The following DYNC1I1 variants were observed in gnomAD, a reference collection of about 807,000 sequenced individuals.
DYNC1I1 encodes the protein cytoplasmic dynein 1 intermediate chain 1.
In DYNC1I1, 43 loss-of-function variants were observed where a neutral mutation model predicts 86.6. The observed-to-expected ratio is 0.50, with a 90% CI of 0.39 to 0.64. The LOEUF is 0.64. Among genes scored for constraint, DYNC1I1 ranks in the 30% least tolerant of loss-of-function variants. The pLI, the probability that DYNC1I1 is intolerant of heterozygous loss-of-function variation, is 0.00. For missense variants in DYNC1I1, 604 were observed against 788.8 expected, an observed-to-expected ratio of 0.77 and a Z score of 2.81; for synonymous variants, 262 against 283.7, an observed-to-expected ratio of 0.92 and a Z score of 0.77.
chr7:96,056,329 C>A (rs889499046), intron 14 of DYNC1I1, among the ~76,000 whole-genome samples: 2 of 152,112 alleles, frequency 1.3e-5, no homozygotes, highest in Non-Finnish European at 2.9e-5. Flanking sequence ...TCTTTCTTTT[C>A]TTTACAGTAT....
intron 6 of DYNC1I1, among the ~76,000 whole-genome samples, chr7:95,930,338 A>T (rs938276052): frequency 6.6e-6 from 1 of 152,234 alleles, no homozygotes. Flanking sequence ...TGGTGTCTTA[A>T]TTTCCAGCAT....
intron 6 of DYNC1I1, among the ~76,000 whole-genome samples, chr7:95,910,264 C>T (rs937933373): frequency 1.3e-5 from 2 of 152,156 alleles, no homozygotes; most frequent in Non-Finnish European, 2.9e-5. Context: ...AGAGCTAAAA[C>T]CCTAACTCTA....
At chr7:95,995,541 G>A (rs1372250023) in intron 9 of DYNC1I1, among the ~76,000 whole-genome samples, 2 of 152,196 alleles carry the variant, frequency 1.3e-5, no homozygotes, top group Admixed American at 1.3e-4. Context: ...AGCCACTGGA[G>A]TAGATGAACT....
chr7:96,025,812 T>C (rs1794664689), intron 10 of DYNC1I1, among the ~76,000 whole-genome samples: 1 of 149,098 alleles, frequency 6.7e-6, no homozygotes, highest in Non-Finnish European at 1.5e-5. Flanking sequence ...TTTCCTCTGG[T>C]TTAGTCTCAA....
intron 6 of DYNC1I1, among the ~76,000 whole-genome samples, chr7:95,883,558 A>G (rs1192672679): frequency 1.3e-5 from 2 of 152,156 alleles, no homozygotes; most frequent in Admixed American, 6.5e-5. Context: ...ATTCTAAAAA[A>G]CCTTTTATAC....
At chr7:96,022,847 G>A (rs1408231458) in intron 10 of DYNC1I1, among the ~76,000 whole-genome samples, 2 of 151,718 alleles carry the variant, frequency 1.3e-5, no homozygotes, top group Non-Finnish European at 2.9e-5. Context: ...TCCAGCCTGG[G>A]TGACAGAGCA....
At chr7:95,967,653 T>C (rs1054635730) in intron 6 of DYNC1I1, among the ~76,000 whole-genome samples, 1 of 152,218 alleles carries the variant, frequency 6.6e-6, no homozygotes, top group Non-Finnish European at 1.5e-5. Context: ...CAACTGTTTA[T>C]CTTGTTTATT....
intron 14 of DYNC1I1, among the ~76,000 whole-genome samples, chr7:96,060,000 TATTAGATA>T (rs1321947408): frequency 6.6e-6 from 1 of 152,188 alleles, no homozygotes; most frequent in Non-Finnish European, 1.5e-5. Context: ...AGCTATAGCT[TATTAGATA>T]ATTTTACAGC....
At position 95,915,645 on chromosome 7, in the gene DYNC1I1, A is replaced by G. The variant is rs148683880; in HGVS notation, c.490+45647A>G. On this transcript the variant is annotated intron_variant, in intron 6 of 16. Coordinates refer to ENST00000447467, the MANE Select transcript of DYNC1I1 (RefSeq NM_001135556.2). ...TGTGTTTTTTTCAGTGCTACTGTCTACAGGACTCTGGCAAATTGCTGTCAA... is the reference window on the plus strand; with the variant it reads ...TGTGTTTTTTTCAGTGCTACTGTCTGCAGGACTCTGGCAAATTGCTGTCAA... Among the ~76,000 whole-genome samples the G allele has an allele frequency of 3.1e-3, 468 of 152,286 alleles. 3 individuals carry two copies. The highest frequency in any genetic ancestry group is 0.011 in the African/African-American group (446 of 41,552).
intron 6 of DYNC1I1, among the ~76,000 whole-genome samples, chr7:95,909,463 G>T (rs1027232369): frequency 6.6e-6 from 1 of 151,990 alleles, no homozygotes; most frequent in Non-Finnish European, 1.5e-5. Context: ...CACTACAGCC[G>T]GGGTTTCAGG....
chr7:96,039,715 C>T (rs992544417), intron 14 of DYNC1I1, among the ~76,000 whole-genome samples: 2 of 152,124 alleles, frequency 1.3e-5, no homozygotes, highest in Admixed American at 6.5e-5. Context: ...CCACAACACC[C>T]CCTTCACTGC....
chr7:95,841,076 A>T (rs1235333971), intron 5 of DYNC1I1, among the ~76,000 whole-genome samples: 1 of 151,892 alleles, frequency 6.6e-6, no homozygotes, highest in Admixed American at 6.6e-5. Flanking sequence ...TCATTGCTTT[A>T]CTCTTTGTCA....
chr7:95,996,380 A>G (rs537291207), intron 10 of DYNC1I1, among the ~76,000 whole-genome samples: 2 of 152,328 alleles, frequency 1.3e-5, no homozygotes, highest in African/African-American at 4.8e-5. Context: ...CTCTGCTTAA[A>G]AGCAACATAT....
At position 96,080,437 on chromosome 7, in the gene DYNC1I1, A is replaced by T; in HGVS notation, c.1725A>T (p.Glu575Asp). 1.2e-6 allele frequency: 2 copies of T among 1,614,154 alleles called. No homozygotes were observed. Among genetic ancestry groups the T allele is most frequent in the Admixed American group, 1.7e-5 (1 of 60,024 alleles). Residue 575 changes from glutamate (E) to aspartate (D), a missense_variant, in exon 16 of 17, where the codon GAA (glutamate) becomes GAT (aspartate). By Grantham distance (45) the Glu-to-Asp change is conservative. Transcript: ENST00000447467. Reference sequence around the variant, plus strand: ...TTCGTTGGGCCCAAGCTGGCAAAGAAGTTGCTGTTGGGGACTCGGAAGGCC... The same window carrying T: ...TTCGTTGGGCCCAAGCTGGCAAAGATGTTGCTGTTGGGGACTCGGAAGGCC... ...NRVRWAQAGKEVAVGDSEGRI... is the reference protein window; with the variant it reads ...NRVRWAQAGKDVAVGDSEGRI...
At chr7:95,968,824 C>CTGTG (rs56022930) in intron 6 of DYNC1I1, among the ~76,000 whole-genome samples, 3,726 of 94,224 alleles carry the variant, frequency 0.04, 73 homozygotes, top group East Asian at 0.072. Flanking sequence ...ATTTTTTGCT[C>CTGTG]TGTGTGTGTG....
At chr7:95,818,704 T>C (rs1449765375) in intron 4 of DYNC1I1, 2 of 431,068 alleles carry the variant, frequency 4.6e-6, no homozygotes, top group Non-Finnish European at 8.2e-6. Flanking sequence ...CTAGAAAATA[T>C]AAATGAGCAA....
chr7:95,979,632 C>T (rs1584220782), intron 7 of DYNC1I1, among the ~76,000 whole-genome samples: 1 of 152,160 alleles, frequency 6.6e-6, no homozygotes, highest in Non-Finnish European at 1.5e-5. Flanking sequence ...GAGATGCAAG[C>T]AAAGTCCTTT....
chr7:95,938,143 G>T (rs928218781), intron 6 of DYNC1I1, among the ~76,000 whole-genome samples: 3 of 152,110 alleles, frequency 2.0e-5, no homozygotes, highest in African/African-American at 7.2e-5. Context: ...CTGTCAATGA[G>T]ATTTTCCTCT....
chr7:96,045,442 C>G (rs1410193935), intron 14 of DYNC1I1, among the ~76,000 whole-genome samples: 1 of 151,906 alleles, frequency 6.6e-6, no homozygotes, highest in African/African-American at 2.4e-5. Flanking sequence ...AAGGAAACAG[C>G]GATCACAGTA....
Sources: gnomAD v4.1 joint callset for allele counts (sites outside exome capture counted in the v4.1 genomes callset) on GRCh38, gnomAD v4.1.1 for gene constraint, MANE v1.5 for transcripts, NCBI Gene and HGNC (gene_info 2026-07-23, HGNC 2026-07-21) for gene names.